HAL: variants seen among roughly 807,000 people sequenced by gnomAD.
The protein encoded by HAL is histidase.
Under a neutral mutation model 81.1 loss-of-function variants are expected in HAL, and 85 were observed. The ratio of observed to expected loss-of-function variants is 1.05; its 90% CI spans 0.88 to 1.25. The LOEUF (loss-of-function observed/expected upper bound fraction) is 1.25, where lower values mean the gene tolerates loss of function less well. Ranked by LOEUF, HAL falls within the 50% of genes most tolerant of loss-of-function variation. The pLI is 0.00. For synonymous variants in HAL, 301 were observed against 309.2 expected (o/e 0.97, Z 0.28); for missense variants, 798 against 836.6 (o/e 0.95, Z 0.57).
At chr12:95,992,896 T>C (rs1949989699) in intron 8 of HAL, 91 bp from the exon 9 acceptor site, 2 of 1,157,304 alleles carry the variant, frequency 1.7e-6, no homozygotes, top group South Asian at 2.5e-5. Flanking sequence ...CTTTCCCATA[T>C]GTAGCCCAGC....
At position 95,973,829 on chromosome 12, in the gene HAL, A is replaced by G; in HGVS notation, c.*403T>C. On this transcript the variant is annotated 3_prime_UTR_variant, in exon 21 of 21. Transcript: ENST00000261208. Reference sequence around the variant, plus strand: ...GAGCTTGTTGAAGCAAATTTAAAAAAAAAAAAAAAGGTTAACAAAAGTCTA... The same window carrying G: ...GAGCTTGTTGAAGCAAATTTAAAAAGAAAAAAAAAGGTTAACAAAAGTCTA... 5.9e-6 allele frequency: 1 copy of G among 168,106 alleles called. No homozygotes were observed. 10.4% of individuals were successfully genotyped at this position (168,106 alleles called of 1,614,324 possible).
intron 12 of HAL, 27 bp from the exon 13 acceptor site, chr12:95,986,187 T>A: frequency 7.9e-7 from 1 of 1,264,418 alleles, no homozygotes; most frequent in Non-Finnish European, 1.2e-6. Context: ...AGAAAAAGTC[T>A]GAATAATTCC....
intron 2 of HAL, chr12:95,995,211 A>G (rs1950019686): frequency 3.3e-6 from 2 of 613,490 alleles, no homozygotes; most frequent in Non-Finnish European, 5.8e-6. Flanking sequence ...GTTTAGATGA[A>G]AGTTCAAGAC....
Position 95,975,963 on chromosome 12 carries a change from C to T in HAL, c.1833+466G>A, listed in dbSNP as rs150980863. 4.9e-3 allele frequency: 1,191 copies of T among 241,434 alleles called. 23 individuals carry two copies. Among genetic ancestry groups the T allele is most frequent in the South Asian group, 0.02 (362 of 17,920 alleles). The allele number at this position is 241,434 out of a possible 1,614,324, so 15.0% of individuals were successfully genotyped here. ...TGGAAATATGCAAGAAAGAAAAACC[C>T]GCATCTCACCAGAGCACTAGACAGA... On this transcript the variant is annotated intron_variant, in intron 20 of 20. Transcript: ENST00000261208.
chr12:95,990,265 T>C, intron 10 of HAL, 128 bp downstream of exon 10: 2 of 808,992 alleles, frequency 2.5e-6, no homozygotes, highest in Non-Finnish European at 4.4e-6. Context: ...CTGTCTCATC[T>C]GTAAAGTAAG....
At chr12:95,977,851 G>C in intron 18 of HAL, 93 bp downstream of exon 18, 1 of 1,335,608 alleles carries the variant, frequency 7.5e-7, no homozygotes, top group South Asian at 1.2e-5. Flanking sequence ...GTTTCCAGGT[G>C]ATGCTGATGT....
At chr12:95,990,188 C>T (rs1949951188) in intron 10 of HAL, 1 of 631,040 alleles carries the variant, frequency 1.6e-6, no homozygotes, top group East Asian at 2.8e-5. Flanking sequence ...ATGACCAAAC[C>T]CAGAAGGCTG....
At chr12:95,994,264 T>A (rs1160952042) in intron 4 of HAL, 100 bp from the exon 5 acceptor site, 1 of 831,110 alleles carries the variant, frequency 1.2e-6, no homozygotes, top group Non-Finnish European at 2.1e-6. Context: ...TTCAGAGATC[T>A]GATCATTGCG....
chr12:95,990,310 G>T (rs147181227), intron 10 of HAL, 83 bp downstream of exon 10: 1 of 1,095,894 alleles, frequency 9.1e-7, no homozygotes, highest in Non-Finnish European at 1.4e-6. Context: ...CTGTTGTAAG[G>T]ACTAGGTGAT....
chr12:95,983,815 G>C (rs1949842188), intron 15 of HAL, 96 bp downstream of exon 15: 1 of 752,018 alleles, frequency 1.3e-6, no homozygotes, highest in Non-Finnish European at 2.4e-6. Context: ...ATGGAGCAAT[G>C]GAACTGAGAA....
intron 12 of HAL, among the ~76,000 whole-genome samples, chr12:95,986,650 T>G (rs554515151): frequency 1.3e-5 from 2 of 152,270 alleles, no homozygotes; most frequent in East Asian, 3.9e-4. Context: ...TTTTTCATAT[T>G]ATAGTTGGGA....
intron 10 of HAL, among the ~76,000 whole-genome samples, chr12:95,989,001 A>T (rs998882375): frequency 6.6e-6 from 1 of 152,186 alleles, no homozygotes; most frequent in Non-Finnish European, 1.5e-5. Context: ...GGAGTAGGCA[A>T]AATGAAGACA....
intron 15 of HAL, chr12:95,983,563 C>A (rs748444742): frequency 2.8e-6 from 1 of 352,668 alleles, no homozygotes; most frequent in African/African-American, 2.1e-5. Context: ...TTGTGACCCA[C>A]GTCTTCACCC....
chr12:95,995,704 C>A lies in HAL; in HGVS notation c.207G>T (p.Arg69=), dbSNP rs1950026597. Residue 69 remains arginine (R), a synonymous_variant, in exon 2 of 21, where the codon CGG becomes CGT. Coordinates refer to ENST00000261208, the MANE Select transcript of HAL (RefSeq NM_002108.4). The part of the protein sequence containing the change: ...KGLGLLDNED[R]LEVALENNEF... ...CGTTGTTCTCTAGGGCCACCTCGAG[C>A]CGGTCCTCGTTGTCCAGCAGGCCCA... 6.2e-7 allele frequency: 1 copy of A among 1,613,682 alleles called. No individual in the cohort carries two copies. Among genetic ancestry groups the A allele is most frequent in the African/African-American group, 1.3e-5 (1 of 75,072 alleles).
In HAL at chr12:95,988,160, C is replaced by T. The variant is rs917014382; in HGVS notation, c.903+33G>A. On this transcript the variant is annotated intron_variant, in intron 11 of 20. Transcript: ENST00000261208. ...AATACTGCATAAATAAAAACTCATG[C>T]ACTATGAACATATTTTTCTTGAGTT... 3.9e-6 allele frequency: 4 copies of T among 1,024,342 alleles called. No individual in the cohort carries two copies. In the East Asian group the frequency reaches 7.1e-5, roughly 18 times the overall value. The allele number at this position is 1,024,342 out of a possible 1,614,324, so 63.5% of individuals were successfully genotyped here.
Position 95,992,736 on chromosome 12 carries a change from T to C in HAL, c.659A>G (p.Lys220Arg), listed in dbSNP as rs1461663293. The C allele has an allele frequency of 3.7e-6, 6 of 1,612,494 alleles. No homozygotes were observed. The highest frequency in any genetic ancestry group is 5.1e-6 in the Non-Finnish European group (6 of 1,178,498). Residue 220 changes from lysine to arginine, a missense_variant, in exon 9 of 21, where the codon AAA (lysine) becomes AGA (arginine). Coordinates refer to ENST00000261208, the MANE Select transcript of HAL (RefSeq NM_002108.4). ...CTCCAGGGAAATGCCACTGTATCCTTTGGCTAAGACATTGATCCTTAAAGC... is the reference window on the plus strand; with the variant it reads ...CTCCAGGGAAATGCCACTGTATCCTCTGGCTAAGACATTGATCCTTAAAGC... Reference protein sequence around the residue: ...LLALRINVLAKGYSGISLETL... With the variant: ...LLALRINVLARGYSGISLETL...
chr12:95,978,040 C>G lies in HAL; in HGVS notation c.1558G>C (p.Asp520His). 1 of 1,613,804 alleles carries G rather than the reference C, an allele frequency of 6.2e-7. No individual in the cohort carries two copies. Among genetic ancestry groups the G allele is most frequent in the South Asian group, 1.1e-5 (1 of 91,064 alleles). The change falls in exon 18 of 21, where the codon GAC becomes CAC. Residue 520 changes from aspartate to histidine, a missense_variant. Asp to His is a moderately conservative substitution (Grantham distance 81). Coordinates refer to ENST00000261208, the MANE Select transcript of HAL (RefSeq NM_002108.4). Reference protein sequence around the residue: ...NKALCHPSSVDSLSTSAATED... With the variant: ...NKALCHPSSVHSLSTSAATED... The stretch of plus-strand genomic sequence containing the variant: ...GTGGCTGCGCTGGTGGAGAGGGAGT[C>G]AACAGACGAGGGATGGCACAGAGCC...
chr12:95,996,000 A>AT lies in HAL; in HGVS notation c.-81-10dup. On this transcript the variant is annotated splice_polypyrimidine_tract_variant and intron_variant, in intron 1 of 20. Transcript: ENST00000261208. Reference sequence around the variant, plus strand: ...TACCGGGGTGTGGTCAGCTGGAAGGATGAGAATAGACTTTCAAACCACTCC... The same window carrying AT: ...TACCGGGGTGTGGTCAGCTGGAAGGATTGAGAATAGACTTTCAAACCACTCC... 1 of 1,330,342 alleles carries AT rather than the reference A, an allele frequency of 7.5e-7. No homozygotes were observed. The highest frequency in any genetic ancestry group is 1.1e-6 in the Non-Finnish European group (1 of 948,026). 82.4% of individuals were successfully genotyped at this position (1,330,342 alleles called of 1,614,324 possible). A position where few individuals can be genotyped will look rare whatever the true frequency, so the allele number is the denominator to read the frequency against.
In HAL at chr12:95,988,386, T is replaced by C. The variant is rs564316727; in HGVS notation, c.856-146A>G. 7.1e-5 allele frequency: 48 copies of C among 675,024 alleles called. No homozygotes were observed. In the African/African-American group the frequency reaches 7.7e-4, roughly 11 times the overall value. The allele number at this position is 675,024 out of a possible 1,614,324, so 41.8% of individuals were successfully genotyped here. A position where few individuals can be genotyped will look rare whatever the true frequency, so the allele number is the denominator to read the frequency against. On this transcript the variant is annotated intron_variant, in intron 10 of 20. Transcript: ENST00000261208. ...CCTACAGGAACTGGCTGTATTCATG[T>C]TCTCTGGTCTATTCTCTAGTTCTGT... is the stretch of plus-strand genomic sequence containing the variant.
Sources: allele counts gnomAD v4.1 joint callset (sites outside exome capture counted in the v4.1 genomes callset), GRCh38; gene constraint gnomAD v4.1.1; transcripts MANE v1.5; gene names NCBI Gene and HGNC (gene_info 2026-07-23, HGNC 2026-07-21).